Variants in VAV3 observed in about 807,000 individuals in gnomAD.
The protein encoded by VAV3 is vav guanine nucleotide exchange factor 3.
In VAV3, 94 loss-of-function variants were observed where a neutral mutation model predicts 131.2. The ratio of observed to expected loss-of-function variants is 0.72; its 90% CI spans 0.61 to 0.85. The LOEUF is 0.85. Among genes scored for constraint, VAV3 ranks in the 40% least tolerant of loss-of-function variants. The pLI, the probability that VAV3 is intolerant of heterozygous loss-of-function variation, is 0.00. For missense variants in VAV3, 939 were observed against 1,002.7 expected (o/e 0.94, Z 0.86); for synonymous variants, 349 against 342.0 (o/e 1.02, Z -0.22).
At chr1:107,613,136 A>G (rs1652882599) in intron 21 of VAV3, among the ~76,000 whole-genome samples, 1 of 152,160 alleles carries the variant, frequency 6.6e-6, no homozygotes, top group Non-Finnish European at 1.5e-5. Flanking sequence ...GGGTCTAATA[A>G]TCAACCTTTT....
At chr1:107,732,657 G>A (rs370912330) in intron 15 of VAV3, among the ~76,000 whole-genome samples, 1 of 152,340 alleles carries the variant, frequency 6.6e-6, no homozygotes, top group East Asian at 1.9e-4. Flanking sequence ...GACTGGCTGG[G>A]GAAGGGGCAT....
chr1:107,753,549 T>TATACACACACACAC (rs771773884), intron 12 of VAV3, among the ~76,000 whole-genome samples: 65 of 82,048 alleles, frequency 7.9e-4, no homozygotes, highest in Non-Finnish European at 1.2e-3. Flanking sequence ...TATATATATA[T>TATACACACACACAC]ACACACACAC....
At chr1:107,765,749 A>G (rs1322670034) in intron 8 of VAV3, among the ~76,000 whole-genome samples, 1 of 152,154 alleles carries the variant, frequency 6.6e-6, no homozygotes, top group Non-Finnish European at 1.5e-5. Flanking sequence ...CTGTAGCACA[A>G]ATATTTTGCA....
intron 15 of VAV3, among the ~76,000 whole-genome samples, chr1:107,727,818 C>A (rs1355101676): frequency 6.6e-6 from 1 of 152,182 alleles, no homozygotes; most frequent in Admixed American, 6.5e-5. Context: ...CAAGGATTCT[C>A]TTAAAGCATC....
intron 2 of VAV3, among the ~76,000 whole-genome samples, chr1:107,795,158 C>G (rs1480238175): frequency 6.6e-6 from 1 of 152,188 alleles, no homozygotes; most frequent in Non-Finnish European, 1.5e-5. Context: ...AGGCAGACAA[C>G]AATGCTTGTT....
chr1:107,899,008 C>A (rs1279208531), intron 1 of VAV3, among the ~76,000 whole-genome samples: 2 of 152,068 alleles, frequency 1.3e-5, no homozygotes, highest in African/African-American at 4.8e-5. Context: ...TCTCCAAAAG[C>A]TTACTATACA....
chr1:107,632,430 G>C (rs773080276), intron 20 of VAV3, among the ~76,000 whole-genome samples: 12 of 152,162 alleles, frequency 7.9e-5, no homozygotes, highest in Non-Finnish European at 1.3e-4. Flanking sequence ...TAAATGACTT[G>C]ACCAAAGCCA....
At chr1:107,898,967 G>T (rs762082024) in intron 1 of VAV3, among the ~76,000 whole-genome samples, 1 of 152,088 alleles carries the variant, frequency 6.6e-6, no homozygotes, top group Non-Finnish European at 1.5e-5. Flanking sequence ...GAGTACTAAG[G>T]ATGTAGAGAT....
Position 107,602,506 on chromosome 1 carries a change from T to C in VAV3, c.2133-22A>G, listed in dbSNP as rs374741440. The C allele has an allele frequency of 4.7e-4, 716 of 1,522,644 alleles. 1 individual carries two copies. The highest frequency in any genetic ancestry group is 2.5e-3 in the Admixed American group (109 of 43,824). The allele number at this position is 1,522,644 out of a possible 1,614,324, so 94.3% of individuals were successfully genotyped here. ...GTACCTGTGGGCAATGAATAACTTA[T>C]GAATATAAATGTGTTTTTAATCAGT... On this transcript the variant is annotated intron_variant, in intron 23 of 26. Transcript: ENST00000370056.
intron 22 of VAV3, 191 bp downstream of exon 22, chr1:107,609,740 C>T: frequency 1.9e-5 from 11 of 574,152 alleles, no homozygotes; most frequent in Non-Finnish European, 3.1e-5. Flanking sequence ...TGCACACACA[C>T]CCCCCTCGCA....
chr1:107,883,311 G>C (rs1265541062), intron 1 of VAV3, among the ~76,000 whole-genome samples: 3 of 152,270 alleles, frequency 2.0e-5, no homozygotes, highest in South Asian at 4.2e-4. Context: ...TAATATATCT[G>C]TCTGACTACC....
At chr1:107,816,592 G>A (rs999150300) in intron 2 of VAV3, among the ~76,000 whole-genome samples, 5 of 152,180 alleles carry the variant, frequency 3.3e-5, no homozygotes, top group Admixed American at 6.5e-5. Flanking sequence ...CCTGCCTATA[G>A]GGGTTCATTG....
intron 20 of VAV3, among the ~76,000 whole-genome samples, chr1:107,619,576 G>T (rs1359498606): frequency 6.6e-6 from 1 of 152,088 alleles, no homozygotes; most frequent in African/African-American, 2.4e-5. Flanking sequence ...AAGCTCAGAA[G>T]AGAAAAGAAT....
intron 15 of VAV3, among the ~76,000 whole-genome samples, chr1:107,718,882 G>A (rs1393527434): frequency 6.6e-6 from 1 of 152,148 alleles, no homozygotes; most frequent in Non-Finnish European, 1.5e-5. Flanking sequence ...GAACAGAACA[G>A]AGGCCACAGA....
In VAV3 at chr1:107,732,825, A is replaced by C. The variant is rs1460799982; in HGVS notation, c.1502+16143T>G. Reference sequence around the variant, plus strand: ...AGGCAGCAGAAACGTTTGCAGACTAAAATGTCCCTGTCTGGCAGCTCTGAA... The same window carrying C: ...AGGCAGCAGAAACGTTTGCAGACTACAATGTCCCTGTCTGGCAGCTCTGAA... On this transcript the variant is annotated intron_variant, in intron 15 of 26. Transcript: ENST00000370056. 3.3e-5 allele frequency among the ~76,000 whole-genome samples: 5 copies of C among 152,198 alleles called. 1 individual carries two copies. The highest frequency in any genetic ancestry group is 3.9e-4 in the East Asian group (2 of 5,188).
At chr1:107,589,873 A>G (rs1650804459) in intron 25 of VAV3, among the ~76,000 whole-genome samples, 1 of 152,226 alleles carries the variant, frequency 6.6e-6, no homozygotes, top group Non-Finnish European at 1.5e-5. Context: ...TAACTAATAA[A>G]TAGTAGTTAA....
chr1:107,753,646 G>A (rs1286748215), intron 12 of VAV3, among the ~76,000 whole-genome samples: 6 of 150,098 alleles, frequency 4.0e-5, no homozygotes, highest in African/African-American at 9.8e-5. Context: ...TGCAGCCTCC[G>A]CCTCCTGGGT....
chr1:107,627,482 A>C (rs1307526357), intron 20 of VAV3, among the ~76,000 whole-genome samples: 1 of 152,218 alleles, frequency 6.6e-6, no homozygotes, highest in Non-Finnish European at 1.5e-5. Context: ...GGGACTCTTC[A>C]CATTAAATAT....
chr1:107,586,200 T>C (rs1386554433), intron 25 of VAV3, among the ~76,000 whole-genome samples: 1 of 152,066 alleles, frequency 6.6e-6, no homozygotes, highest in Non-Finnish European at 1.5e-5. Flanking sequence ...ACTTAATTAT[T>C]TTTCTAAATC....
Sources: allele counts gnomAD v4.1 joint callset (sites outside exome capture counted in the v4.1 genomes callset), GRCh38; gene constraint gnomAD v4.1.1; transcripts MANE v1.5; gene names NCBI Gene and HGNC (gene_info 2026-07-23, HGNC 2026-07-21).